Variants in ZNF385B observed in about 807,000 individuals in gnomAD.
ZNF385B encodes the protein zinc finger protein 385B.
Under a neutral mutation model 39.2 loss-of-function variants are expected in ZNF385B, and 23 were observed. That is an observed-to-expected ratio of 0.59 (90% CI 0.42 to 0.83). The LOEUF (loss-of-function observed/expected upper bound fraction) is 0.83. Among genes scored for constraint, ZNF385B ranks in the 40% least tolerant of loss-of-function variants. ZNF385B has a pLI of 0.00. For synonymous variants in ZNF385B, 205 were observed against 222.6 expected, an observed-to-expected ratio of 0.92 and a Z score of 0.70; for missense variants, 552 against 598.9, an observed-to-expected ratio of 0.92 and a Z score of 0.82.
At chr2:179,611,633 G>A (rs888020895) in intron 3 of ZNF385B, among the ~76,000 whole-genome samples, 2 of 152,066 alleles carry the variant, frequency 1.3e-5, no homozygotes, top group Non-Finnish European at 1.5e-5. Flanking sequence ...TTCTTTAAAT[G>A]TTTAGTAAAA....
At chr2:179,597,209 A>G (rs536042793) in intron 3 of ZNF385B, among the ~76,000 whole-genome samples, 2 of 152,306 alleles carry the variant, frequency 1.3e-5, no homozygotes, top group Non-Finnish European at 2.9e-5. Flanking sequence ...GCTACTTGTT[A>G]TGGCAGCACG....
intron 1 of ZNF385B, among the ~76,000 whole-genome samples, chr2:179,828,093 ATT>A (rs1707780125): frequency 6.6e-6 from 1 of 152,036 alleles, no homozygotes; most frequent in Admixed American, 6.6e-5. Flanking sequence ...TATATCATTT[ATT>A]TATCTAGTCT....
intron 3 of ZNF385B, among the ~76,000 whole-genome samples, chr2:179,716,559 T>G (rs1700343594): frequency 6.6e-6 from 1 of 152,214 alleles, no homozygotes; most frequent in Non-Finnish European, 1.5e-5. Flanking sequence ...AAACAGTATA[T>G]TCCAAAGATA....
chr2:179,609,708 G>T (rs1689128505), intron 3 of ZNF385B, among the ~76,000 whole-genome samples: 1 of 152,164 alleles, frequency 6.6e-6, no homozygotes, highest in South Asian at 2.1e-4. Context: ...TGTACAAAGA[G>T]TCGCTTCTCT....
At chr2:179,474,366 C>T (rs888654874) in intron 6 of ZNF385B, among the ~76,000 whole-genome samples, 1 of 152,002 alleles carries the variant, frequency 6.6e-6, no homozygotes, top group Non-Finnish European at 1.5e-5. Flanking sequence ...TTTGCCATTA[C>T]TTTTAATGGC....
chr2:179,611,882 C>T (rs1190935552), intron 3 of ZNF385B, among the ~76,000 whole-genome samples: 1 of 151,932 alleles, frequency 6.6e-6, no homozygotes, highest in Non-Finnish European at 1.5e-5. Context: ...GTCTCCTTTT[C>T]CACCTCTAAT....
chr2:179,797,493 C>G (rs1705744767), intron 1 of ZNF385B, among the ~76,000 whole-genome samples: 1 of 152,116 alleles, frequency 6.6e-6, no homozygotes, highest in Non-Finnish European at 1.5e-5. Context: ...ATGTTTTTCC[C>G]CAGTTATTTC....
chr2:179,545,964 T>C (rs1365060678), intron 3 of ZNF385B, among the ~76,000 whole-genome samples: 1 of 152,206 alleles, frequency 6.6e-6, no homozygotes, highest in Non-Finnish European at 1.5e-5. Context: ...TATAGTCAGC[T>C]TGTTGTGCTA....
At chr2:179,622,250 A>T (rs1690279390) in intron 3 of ZNF385B, among the ~76,000 whole-genome samples, 1 of 152,236 alleles carries the variant, frequency 6.6e-6, no homozygotes. Flanking sequence ...GTAGTATAAC[A>T]GCCCAGTCCC....
At chr2:179,507,254 A>G (rs1172334424) in intron 5 of ZNF385B, among the ~76,000 whole-genome samples, 2 of 152,198 alleles carry the variant, frequency 1.3e-5, no homozygotes, top group Non-Finnish European at 2.9e-5. Context: ...ATATGCAGAC[A>G]CACAAAATTT....
At chr2:179,469,471 T>C (rs189682242) in intron 6 of ZNF385B, among the ~76,000 whole-genome samples, 33 of 152,196 alleles carry the variant, frequency 2.2e-4, no homozygotes, top group African/African-American at 7.7e-4. Flanking sequence ...TCTCTTGGGG[T>C]CTGGATCAGG....
At chr2:179,729,451 G>A (rs17772645) in intron 3 of ZNF385B, among the ~76,000 whole-genome samples, 11,493 of 152,146 alleles carry the variant, frequency 0.076, 484 homozygotes, top group Middle Eastern at 0.11. Flanking sequence ...TCAAGACCAC[G>A]GGGACAAAAT....
chr2:179,545,912 C>G (rs553874702), intron 3 of ZNF385B, among the ~76,000 whole-genome samples: 17 of 152,266 alleles, frequency 1.1e-4, no homozygotes, highest in African/African-American at 3.6e-4. Flanking sequence ...TCCAATTATA[C>G]TCTTTTAGTT....
chr2:179,703,571 G>A (rs539279204), intron 3 of ZNF385B, among the ~76,000 whole-genome samples: 3 of 152,214 alleles, frequency 2.0e-5, no homozygotes, highest in Non-Finnish European at 1.5e-5. Context: ...GTAGGTGCTC[G>A]ATCTGCTTTT....
chr2:179,860,141 A>G (rs1302207009), intron 1 of ZNF385B, among the ~76,000 whole-genome samples: 1 of 152,164 alleles, frequency 6.6e-6, no homozygotes, highest in Admixed American at 6.5e-5. Context: ...CCTTGGTGTG[A>G]TATTCCTCAG....
At chr2:179,652,359 CAG>C (rs945253771) in intron 3 of ZNF385B, among the ~76,000 whole-genome samples, 5 of 152,140 alleles carry the variant, frequency 3.3e-5, no homozygotes, top group African/African-American at 1.2e-4. Context: ...TTATCCCAAA[CAG>C]TGTTAACACT....
intron 1 of ZNF385B, among the ~76,000 whole-genome samples, chr2:179,774,097 G>A (rs1704169850): frequency 6.6e-6 from 1 of 151,536 alleles, no homozygotes; most frequent in African/African-American, 2.4e-5. Context: ...GTGTATAGGT[G>A]TGGAGTGTGT....
intron 3 of ZNF385B, among the ~76,000 whole-genome samples, chr2:179,751,807 C>T (rs929027977): frequency 2.0e-5 from 3 of 152,124 alleles, no homozygotes; most frequent in African/African-American, 4.8e-5. Flanking sequence ...TACTACTCCA[C>T]TTCCTGCTGC....
At position 179,443,387 on chromosome 2, in the gene ZNF385B, C is replaced by A. The variant is rs774492367; in HGVS notation, c.1324G>T (p.Val442Leu). 5 of 1,610,520 alleles carry A rather than the reference C, an allele frequency of 3.1e-6. No individual in the cohort carries two copies. Among genetic ancestry groups the A allele is most frequent in the African/African-American group, 1.3e-5 (1 of 74,842 alleles). The change falls in exon 10 of 10, where the codon GTG becomes TTG. Residue 442 changes from valine (V) to leucine (L), a missense_variant. Val to Leu is a conservative substitution (Grantham distance 32). Transcript: ENST00000410066. Reference sequence around the variant, plus strand: ...GGTGGGAGTGACAGCGCTGAGGACACGGCTGCCGCCGCTGCGAGAGGTGAG... The same window carrying A: ...GGTGGGAGTGACAGCGCTGAGGACAAGGCTGCCGCCGCTGCGAGAGGTGAG... ...LSSPLAAAAA[V>L]SSALSLPPRP...
Sources: allele counts gnomAD v4.1 joint callset (sites outside exome capture counted in the v4.1 genomes callset), GRCh38; gene constraint gnomAD v4.1.1; transcripts MANE v1.5; gene names NCBI Gene and HGNC (gene_info 2026-07-23, HGNC 2026-07-21).